STMND1: variants seen among roughly 807,000 people sequenced by gnomAD.
The protein encoded by STMND1 is stathmin domain containing 1, also known as stathmin domain-containing protein 1.
STMND1 carries 17 observed loss-of-function variants against 23.0 expected under a neutral mutation model. The ratio of observed to expected loss-of-function variants is 0.74; its 90% CI spans 0.51 to 1.11. STMND1 has a LOEUF of 1.11. Ranked by LOEUF, STMND1 falls within the 50% of genes least tolerant of loss-of-function variation. The pLI is 0.00. For synonymous variants in STMND1, 114 were observed against 119.9 expected, an observed-to-expected ratio of 0.95 and a Z score of 0.32; for missense variants, 305 against 329.1, an observed-to-expected ratio of 0.93 and a Z score of 0.57.
chr6:17,129,486 C>T (rs903726446), intron 4 of STMND1, among the ~76,000 whole-genome samples: 3 of 150,400 alleles, frequency 2.0e-5, no homozygotes, highest in Admixed American at 1.3e-4. Context: ...GTCCCCCTGT[C>T]TCCGCCTCCT....
At chr6:17,105,099 T>A (rs1761004612) in intron 1 of STMND1, among the ~76,000 whole-genome samples, 1 of 152,204 alleles carries the variant, frequency 6.6e-6, no homozygotes, top group Non-Finnish European at 1.5e-5. Flanking sequence ...TCTACAGATG[T>A]TTAAAGTATA....
chr6:17,117,310 C>T (rs1375673871), intron 2 of STMND1, among the ~76,000 whole-genome samples: 1 of 152,142 alleles, frequency 6.6e-6, no homozygotes, highest in Non-Finnish European at 1.5e-5. Context: ...TTCAGGTGCT[C>T]CTCCCGCCTT....
intron 3 of STMND1, among the ~76,000 whole-genome samples, chr6:17,120,996 A>AC (rs1414711828): frequency 6.6e-6 from 1 of 152,162 alleles, no homozygotes; most frequent in African/African-American, 2.4e-5. Context: ...CAAGGGCGGG[A>AC]CCAGGTGGAG....
intron 2 of STMND1, among the ~76,000 whole-genome samples, chr6:17,117,817 A>T (rs1230427566): frequency 6.7e-6 from 1 of 149,924 alleles, no homozygotes; most frequent in Non-Finnish European, 1.5e-5. Context: ...ACTAGCTGGG[A>T]TTACAGGTGC....
In STMND1 at chr6:17,130,901, A is replaced by G; in HGVS notation, c.*20A>G. 5 of 1,487,374 alleles carry G rather than the reference A, an allele frequency of 3.4e-6. No individual in the cohort carries two copies. Among genetic ancestry groups the G allele is most frequent in the East Asian group, 2.5e-5 (1 of 40,326 alleles). 92.1% of individuals were successfully genotyped at this position (1,487,374 alleles called of 1,614,324 possible). A position where few individuals can be genotyped will look rare whatever the true frequency, so the allele number is the denominator to read the frequency against. ...TACTAAGCCATTTTTTGTGAATTTCATAAGAAAGCATTCATTCTCCCCATT... is the reference window on the plus strand; with the variant it reads ...TACTAAGCCATTTTTTGTGAATTTCGTAAGAAAGCATTCATTCTCCCCATT... On this transcript the variant is annotated 3_prime_UTR_variant, in exon 5 of 5. Coordinates refer to ENST00000536551, the MANE Select transcript of STMND1 (RefSeq NM_001190766.2).
chr6:17,130,806 A>G lies in STMND1; in HGVS notation c.756A>G (p.Arg252=). 6.5e-7 allele frequency: 1 copy of G among 1,536,062 alleles called. No homozygotes were observed. Among genetic ancestry groups the G allele is most frequent in the African/African-American group, 1.4e-5 (1 of 73,172 alleles). Residue 252 remains arginine (R), a synonymous_variant, in exon 5 of 5, where the codon AGA becomes AGG. Coordinates refer to ENST00000536551, the MANE Select transcript of STMND1 (RefSeq NM_001190766.2). The stretch of plus-strand genomic sequence containing the variant: ...AATGTGATGCAACCTTGATTGATAG[A>G]AACGAAAGTGATGAAAGTTTTGGGG... ...KSKCDATLID[R]NESDESFGVV...
rs115406071 is a variant in STMND1, at chr6:17,103,938, A to G, written c.81+1600A>G. Among the ~76,000 whole-genome samples the G allele has an allele frequency of 7.7e-3, 1,172 of 152,038 alleles. 8 individuals are homozygous for G. Among genetic ancestry groups the G allele is most frequent in the Middle Eastern group, 0.017 (5 of 294 alleles). On this transcript the variant is annotated intron_variant, in intron 1 of 4. Transcript: ENST00000536551. ...GGATCCTAACAAGTTTCTCCTCCAC[A>G]CTGCCACCTATCTTGCCAAGGGAAA...
At chr6:17,111,264 G>A (rs1761093407) in intron 1 of STMND1, among the ~76,000 whole-genome samples, 1 of 152,152 alleles carries the variant, frequency 6.6e-6, no homozygotes, top group Admixed American at 6.6e-5. Flanking sequence ...CCCTTGAAAG[G>A]AGAAGGTGGG....
chr6:17,112,549 G>A (rs769204349), intron 1 of STMND1, among the ~76,000 whole-genome samples: 4 of 151,994 alleles, frequency 2.6e-5, no homozygotes, highest in African/African-American at 4.8e-5. Flanking sequence ...AGGCCGAGGC[G>A]GGTGGATCAC....
chr6:17,128,709 C>CATTTATTT, intron 3 of STMND1: 1 of 152,216 alleles, frequency 6.6e-6, no homozygotes, highest in Non-Finnish European at 1.5e-5. Flanking sequence ...TTACTTTATT[C>CATTTATTT]ATTTATTTAT....
chr6:17,130,961 T>C lies in STMND1; in HGVS notation c.*80T>C. 1 of 1,303,836 alleles carries C rather than the reference T, an allele frequency of 7.7e-7. No individual in the cohort carries two copies. The highest frequency in any genetic ancestry group is 1.0e-6 in the Non-Finnish European group (1 of 972,134). The allele number at this position is 1,303,836 out of a possible 1,614,324, so 80.8% of individuals were successfully genotyped here. A position where few individuals can be genotyped will look rare whatever the true frequency, so the allele number is the denominator to read the frequency against. On this transcript the variant is annotated 3_prime_UTR_variant, in exon 5 of 5. Transcript: ENST00000536551. The stretch of plus-strand genomic sequence containing the variant: ...TGTAGTATGTCTCATATTCTTTGAC[T>C]GACTGACCTCATTCCACTGGGATTT...
chr6:17,123,489 T>C (rs1006575218), intron 3 of STMND1, among the ~76,000 whole-genome samples: 12 of 152,166 alleles, frequency 7.9e-5, no homozygotes, highest in Non-Finnish European at 1.6e-4. Flanking sequence ...CGCCGGTACA[T>C]TGGAGTCACC....
chr6:17,102,129 G>A lies in STMND1; in HGVS notation c.-129G>A. 1 of 894,706 alleles carries A rather than the reference G, an allele frequency of 1.1e-6. No homozygotes were observed. Among genetic ancestry groups the A allele is most frequent in the South Asian group, 2.9e-5 (1 of 34,366 alleles). The allele number at this position is 894,706 out of a possible 1,614,324, so 55.4% of individuals were successfully genotyped here. On this transcript the variant is annotated 5_prime_UTR_variant, in exon 1 of 5. Transcript: ENST00000536551. ...GAAGTGGGAGAGGCGGGTGGCGCCC[G>A]AGCGCAGTAGCAGGGGCGTAGGGCG...
At chr6:17,129,042 A>G in intron 3 of STMND1, 70 bp from the exon 4 acceptor site, 1 of 1,448,176 alleles carries the variant, frequency 6.9e-7, no homozygotes. Flanking sequence ...TGTTTATTCT[A>G]ACTCTTTTGC....
intron 3 of STMND1, among the ~76,000 whole-genome samples, chr6:17,126,577 A>C (rs1422778516): frequency 6.6e-6 from 1 of 152,166 alleles, no homozygotes; most frequent in Non-Finnish European, 1.5e-5. Context: ...TCCCTAAAAA[A>C]TCATTTTCTT....
In STMND1 at chr6:17,115,221, TC is replaced by T. The variant is rs1283218054; in HGVS notation, c.259+84del. On this transcript the variant is annotated intron_variant, in intron 2 of 4. Transcript: ENST00000536551. ...TACGTTTACAAGGTTTCTTTGGTGG[TC>T]CTTTTATCATTGCTTTCTGGGCCAT... 5.3e-6 allele frequency: 7 copies of T among 1,332,588 alleles called. No homozygotes were observed. The East Asian group carries it at 1.8e-4, about 34-fold the overall frequency. 82.5% of individuals were successfully genotyped at this position (1,332,588 alleles called of 1,614,324 possible).
At chr6:17,121,033 C>T (rs190613710) in intron 3 of STMND1, among the ~76,000 whole-genome samples, 31 of 152,078 alleles carry the variant, frequency 2.0e-4, no homozygotes, top group Non-Finnish European at 4.0e-4. Context: ...GGTGGTTTCC[C>T]CTATGCTGTT....
At chr6:17,105,251 G>C (rs2113471061) in intron 1 of STMND1, among the ~76,000 whole-genome samples, 1 of 152,330 alleles carries the variant, frequency 6.6e-6, no homozygotes, top group South Asian at 2.1e-4. Flanking sequence ...ATTTTGTAGA[G>C]TTGTTGTGAG....
intron 1 of STMND1, among the ~76,000 whole-genome samples, chr6:17,111,161 C>T (rs752674756): frequency 2.0e-5 from 3 of 152,082 alleles, no homozygotes; most frequent in East Asian, 1.9e-4. Flanking sequence ...AGCATTTTGT[C>T]GTCAGTGGTT....
Sources: allele counts gnomAD v4.1 joint callset (sites outside exome capture counted in the v4.1 genomes callset), GRCh38; gene constraint gnomAD v4.1.1; transcripts MANE v1.5; gene names NCBI Gene and HGNC (gene_info 2026-07-23, HGNC 2026-07-21).